Variants in PHF21B observed in about 807,000 individuals in gnomAD.
PHF21B encodes PHD finger protein 4.
Under a neutral mutation model 62.2 loss-of-function variants are expected in PHF21B, and 22 were observed. The observed-to-expected ratio is 0.35, with a 90% CI of 0.25 to 0.51. The LOEUF (loss-of-function observed/expected upper bound fraction) is 0.51. Ranked by LOEUF, PHF21B falls within the 20% of genes least tolerant of loss-of-function variation. The pLI, the probability that PHF21B is intolerant of heterozygous loss-of-function variation, is 0.97. For missense variants in PHF21B, 701 were observed against 707.9 expected, an observed-to-expected ratio of 0.99 and a Z score of 0.11; for synonymous variants, 341 against 314.7, an observed-to-expected ratio of 1.08 and a Z score of -0.88.
At chr22:44,949,513 A>T (rs1234746152) in intron 2 of PHF21B, among the ~76,000 whole-genome samples, 1 of 152,154 alleles carries the variant, frequency 6.6e-6, no homozygotes, top group African/African-American at 2.4e-5. Context: ...CACAGTTGTC[A>T]TTCTTCCCTG....
chr22:45,004,000 T>C (rs371000466), intron 2 of PHF21B, among the ~76,000 whole-genome samples: 42 of 152,158 alleles, frequency 2.8e-4, no homozygotes, highest in African/African-American at 9.6e-4. Context: ...CACACACACA[T>C]AGTATGATTC....
rs947590527 is a variant in PHF21B, at chr22:44,889,704, G to C, written c.1038+56C>G. ...TTCCAGGAGGGACCCTATGAGGACT[G>C]TACTGAAAACATTCTCCACCCCGGA... On this transcript the variant is annotated intron_variant, in intron 9 of 12. Coordinates refer to ENST00000313237, the MANE Select transcript of PHF21B (RefSeq NM_138415.5). 8 of 1,565,736 alleles carry C rather than the reference G, an allele frequency of 5.1e-6. 1 individual carries two copies. The highest frequency in any genetic ancestry group is 1.7e-4 in the Middle Eastern group (1 of 5,916).
chr22:44,967,804 C>T (rs1473321506), intron 2 of PHF21B, among the ~76,000 whole-genome samples: 1 of 152,180 alleles, frequency 6.6e-6, no homozygotes, highest in Non-Finnish European at 1.5e-5. Flanking sequence ...CATCATCGCT[C>T]TCCCCAGGCT....
At chr22:44,892,864 G>C (rs1335771064) in intron 7 of PHF21B, among the ~76,000 whole-genome samples, 2 of 152,200 alleles carry the variant, frequency 1.3e-5, no homozygotes, top group Non-Finnish European at 2.9e-5. Context: ...TCATGGGAGA[G>C]GCCCTTGTGC....
chr22:44,959,639 G>A (rs975560641), intron 2 of PHF21B, among the ~76,000 whole-genome samples: 1 of 152,178 alleles, frequency 6.6e-6, no homozygotes, highest in African/African-American at 2.4e-5. Context: ...AGGTGGTCCC[G>A]GTGCTGCAGA....
intron 2 of PHF21B, among the ~76,000 whole-genome samples, chr22:44,959,459 C>T (rs1219314480): frequency 6.6e-6 from 1 of 152,198 alleles, no homozygotes; most frequent in African/African-American, 2.4e-5. Context: ...CAGTAGACAC[C>T]AGTTCTAGCC....
In PHF21B at chr22:44,943,002, C is replaced by G. The variant is rs1277975095; in HGVS notation, c.121-22512G>C. ...GACCCCCAGCAGGGAGGGACCCCCC[C>G]CCCCCCATCCTCAGAAGGGCTGACC... On this transcript the variant is annotated intron_variant, in intron 2 of 12. Coordinates refer to ENST00000313237, the MANE Select transcript of PHF21B (RefSeq NM_138415.5). Among the ~76,000 whole-genome samples the G allele has an allele frequency of 5.9e-5, 9 of 151,392 alleles. No individual in the cohort carries two copies. The South Asian group carries it at 1.9e-3, about 32-fold the overall frequency.
chr22:44,983,289 C>T (rs983665784), intron 2 of PHF21B, among the ~76,000 whole-genome samples: 3 of 151,758 alleles, frequency 2.0e-5, no homozygotes, highest in Non-Finnish European at 4.4e-5. Flanking sequence ...TGACCTAAAA[C>T]GGGAAAGCGA....
At chr22:44,964,478 CCGATCTT>C (rs2072486453) in intron 2 of PHF21B, among the ~76,000 whole-genome samples, 1 of 152,228 alleles carries the variant, frequency 6.6e-6, no homozygotes, top group Non-Finnish European at 1.5e-5. Flanking sequence ...TCCCAAACCT[CCGATCTT>C]CAGCAGCGAA....
intron 2 of PHF21B, among the ~76,000 whole-genome samples, chr22:45,007,561 C>A (rs1569290029): frequency 8.9e-6 from 1 of 111,904 alleles, no homozygotes; most frequent in African/African-American, 3.6e-5. Context: ...GGGCGGGGCG[C>A]GAAGGAGGGA....
At chr22:44,950,491 T>TA (rs1329447608) in intron 2 of PHF21B, among the ~76,000 whole-genome samples, 1 of 152,204 alleles carries the variant, frequency 6.6e-6, no homozygotes, top group Non-Finnish European at 1.5e-5. Flanking sequence ...GCAATGCGGT[T>TA]AGACACTAAG....
intron 2 of PHF21B, among the ~76,000 whole-genome samples, chr22:44,968,579 G>A (rs1174915473): frequency 6.7e-6 from 1 of 148,618 alleles, no homozygotes; most frequent in East Asian, 2.0e-4. Flanking sequence ...GGGAGGCAGA[G>A]GTTGCAGTGA....
intron 2 of PHF21B, among the ~76,000 whole-genome samples, chr22:44,927,671 A>G (rs1300058944): frequency 6.6e-6 from 1 of 152,094 alleles, no homozygotes; most frequent in Non-Finnish European, 1.5e-5. Context: ...AGCCTACCCG[A>G]GTGCGTTCTT....
At chr22:44,940,223 G>C (rs577405339) in intron 2 of PHF21B, among the ~76,000 whole-genome samples, 4 of 152,164 alleles carry the variant, frequency 2.6e-5, no homozygotes, top group Non-Finnish European at 4.4e-5. Flanking sequence ...ACCTGCCTCC[G>C]GGCAAGCCTG....
chr22:44,936,946 T>C (rs1010383990), intron 2 of PHF21B, among the ~76,000 whole-genome samples: 1 of 151,614 alleles, frequency 6.6e-6, no homozygotes, highest in East Asian at 2.0e-4. Flanking sequence ...AATTTCGGCT[T>C]ACTGCAACCT....
Position 44,885,835 on chromosome 22 carries a change from C to G in PHF21B, c.1273+28G>C, listed in dbSNP as rs200110646. The G allele has an allele frequency of 6.2e-6, 10 of 1,608,918 alleles. No individual in the cohort carries two copies. The East Asian group carries it at 1.8e-4, about 29-fold the overall frequency. ...GTGGGGGAGGAGGGGGAGCAGGTAC[C>G]CTTTTCCACTCCCCAGGGATGCCTC... On this transcript the variant is annotated intron_variant, in intron 11 of 12. Transcript: ENST00000313237.
intron 3 of PHF21B, among the ~76,000 whole-genome samples, chr22:44,919,977 C>A (rs536585394): frequency 6.6e-6 from 1 of 152,294 alleles, no homozygotes; most frequent in East Asian, 1.9e-4. Context: ...GTCTGTGCTG[C>A]CCCTCCCTGA....
intron 2 of PHF21B, among the ~76,000 whole-genome samples, chr22:44,924,795 C>T (rs958822587): frequency 3.9e-5 from 6 of 152,168 alleles, no homozygotes; most frequent in African/African-American, 1.2e-4. Context: ...GACAGCCATT[C>T]TATTCCTAAG....
intron 4 of PHF21B, among the ~76,000 whole-genome samples, chr22:44,915,707 G>C (rs4634043): frequency 0.041 from 6,269 of 152,328 alleles, 166 homozygotes; most frequent in Non-Finnish European, 0.06. Context: ...GGGGAACAGA[G>C]AGAAAGAGGC....
Sources: allele counts gnomAD v4.1 joint callset (sites outside exome capture counted in the v4.1 genomes callset), GRCh38; gene constraint gnomAD v4.1.1; transcripts MANE v1.5; gene names NCBI Gene and HGNC (gene_info 2026-07-23, HGNC 2026-07-21).